RBFOX1: variants seen among roughly 807,000 people sequenced by gnomAD.
The protein encoded by RBFOX1 is RNA binding fox-1 homolog 1, also known as RNA binding protein fox-1 homolog 1.
In RBFOX1, 8 loss-of-function variants were observed where a neutral mutation model predicts 57.7. The ratio of observed to expected loss-of-function variants is 0.14; its 90% CI spans 0.08 to 0.25. The LOEUF is 0.25. Among genes scored for constraint, RBFOX1 ranks in the 10% least tolerant of loss-of-function variants. The probability of loss-of-function intolerance (pLI) is 1.00; values close to 1 mark genes in which losing one functional copy is unlikely to be tolerated. For synonymous variants in RBFOX1, 326 were observed against 222.4 expected (o/e 1.47, Z -4.15); for missense variants, 611 against 548.5 (o/e 1.11, Z -1.14).
chr16:6,762,592 A>G (rs878933634), intron 3 of RBFOX1, among the ~76,000 whole-genome samples: 2 of 152,210 alleles, frequency 1.3e-5, no homozygotes, highest in African/African-American at 2.4e-5. Context: ...CTCCTCAAGA[A>G]TCTTAGATAT....
intron 1 of RBFOX1, among the ~76,000 whole-genome samples, chr16:6,133,885 C>T (rs926446717): frequency 6.6e-6 from 1 of 152,076 alleles, no homozygotes; most frequent in East Asian, 1.9e-4. Context: ...ACTGTTTAGA[C>T]CCCAGCTCAA....
chr16:5,649,953 G>A (rs180786037), intron 3 of RBFOX1, among the ~76,000 whole-genome samples: 23 of 152,292 alleles, frequency 1.5e-4, no homozygotes, highest in African/African-American at 5.1e-4. Flanking sequence ...TCGCCTCCCG[G>A]TGGAACACGC....
intron 2 of RBFOX1, among the ~76,000 whole-genome samples, chr16:5,477,027 T>C (rs1227524966): frequency 6.6e-6 from 1 of 152,342 alleles, no homozygotes; most frequent in East Asian, 1.9e-4. Flanking sequence ...ATTTATTTAT[T>C]TTTTTGAGAC....
At position 6,916,825 on chromosome 16, in the gene RBFOX1, A is replaced by T. The variant is rs181542643; in HGVS notation, c.-15-135232A>T. ...CTTCGAAGTTTGAATTTGTACCTTG[A>T]TCTTGTTTTTTTATTTGTTTGTTTT... is the stretch of plus-strand genomic sequence containing the variant. On this transcript the variant is annotated intron_variant, in intron 3 of 15. Transcript: ENST00000550418. Among the ~76,000 whole-genome samples the T allele has an allele frequency of 9.9e-5, 15 of 151,986 alleles. No individual in the cohort carries two copies. The East Asian group carries it at 2.9e-3, about 30-fold the overall frequency.
chr16:5,707,063 C>A (rs2051278425), intron 3 of RBFOX1, among the ~76,000 whole-genome samples: 1 of 152,144 alleles, frequency 6.6e-6, no homozygotes, highest in Admixed American at 6.5e-5. Context: ...CCAGGGGTGT[C>A]CAGACACAAA....
intron 3 of RBFOX1, among the ~76,000 whole-genome samples, chr16:6,878,655 G>T (rs61245782): frequency 6.6e-6 from 1 of 152,098 alleles, no homozygotes. Context: ...TCGTGTTAGC[G>T]TCAGTTTAAT....
intron 1 of RBFOX1, among the ~76,000 whole-genome samples, chr16:6,139,002 G>A (rs1038460173): frequency 1.3e-5 from 2 of 152,212 alleles, no homozygotes; most frequent in African/African-American, 4.8e-5. Flanking sequence ...GGCAGAGATT[G>A]TGGGGCACCA....
intron 1 of RBFOX1, among the ~76,000 whole-genome samples, chr16:5,462,739 G>C (rs1481354086): frequency 6.6e-6 from 1 of 152,174 alleles, no homozygotes; most frequent in Non-Finnish European, 1.5e-5. Context: ...TAAGGGCTCT[G>C]GACTGTGGTC....
At chr16:6,250,364 C>A (rs183632951) in intron 1 of RBFOX1, among the ~76,000 whole-genome samples, 1 of 152,280 alleles carries the variant, frequency 6.6e-6, no homozygotes, top group East Asian at 1.9e-4. Context: ...CGAACTACCT[C>A]ATGACTAGGA....
Position 7,024,558 on chromosome 16 carries a change from G to A in RBFOX1, c.-15-27499G>A, listed in dbSNP as rs149473594. Among the ~76,000 whole-genome samples the A allele has an allele frequency of 7.2e-4, 109 of 152,242 alleles. 2 individuals are homozygous for A. The highest frequency in any genetic ancestry group is 2.5e-3 in the African/African-American group (103 of 41,548). The stretch of plus-strand genomic sequence containing the variant: ...ATGTTAGGAGATACTTCCTCATTGT[G>A]TAAACACTGGGGCAGGTAAGGGATA... On this transcript the variant is annotated intron_variant, in intron 3 of 15. Transcript: ENST00000550418.
intron 3 of RBFOX1, among the ~76,000 whole-genome samples, chr16:6,732,612 C>G (rs139578722): frequency 6.6e-6 from 1 of 152,314 alleles, no homozygotes; most frequent in East Asian, 1.9e-4. Flanking sequence ...AAGGCAGGGA[C>G]CCTCTGTGTT....
intron 4 of RBFOX1, among the ~76,000 whole-genome samples, chr16:7,385,235 G>A (rs1005137457): frequency 2.6e-5 from 4 of 152,216 alleles, no homozygotes; most frequent in African/African-American, 4.8e-5. Context: ...TGCTTGCCAC[G>A]TGAAACATAG....
At chr16:6,151,354 C>T (rs375501505) in intron 1 of RBFOX1, among the ~76,000 whole-genome samples, 264 of 152,224 alleles carry the variant, frequency 1.7e-3, no homozygotes, top group African/African-American at 6.0e-3. Context: ...GGCACGATCT[C>T]GGCTCACTGC....
intron 1 of RBFOX1, among the ~76,000 whole-genome samples, chr16:5,318,064 C>T (rs1232591321): frequency 6.6e-6 from 1 of 152,112 alleles, no homozygotes; most frequent in African/African-American, 2.4e-5. Flanking sequence ...GAGTGGATGT[C>T]TGTAGGTTTG....
intron 4 of RBFOX1, among the ~76,000 whole-genome samples, chr16:7,345,807 C>A (rs113039817): frequency 6.6e-6 from 1 of 152,090 alleles, no homozygotes; most frequent in Admixed American, 6.6e-5. Context: ...TTTTCTTTTT[C>A]TTTTTTTAAT....
chr16:7,151,038 G>C lies in RBFOX1; in HGVS notation c.27+98940G>C, dbSNP rs556662483. Among the ~76,000 whole-genome samples the C allele has an allele frequency of 8.3e-4, 126 of 152,252 alleles. 1 individual carries two copies. Among genetic ancestry groups the C allele is most frequent in the Admixed American group, 9.2e-4 (14 of 15,272 alleles). Reference sequence around the variant, plus strand: ...GCTCCTTTCCAAAATTATTTTTGTGGTAGCACAGAAGTTCTCTCCCTCAAA... The same window carrying C: ...GCTCCTTTCCAAAATTATTTTTGTGCTAGCACAGAAGTTCTCTCCCTCAAA... On this transcript the variant is annotated intron_variant, in intron 4 of 15. Coordinates refer to ENST00000550418, the MANE Select transcript of RBFOX1 (RefSeq NM_018723.4).
At chr16:7,292,793 A>G (rs1048132061) in intron 4 of RBFOX1, among the ~76,000 whole-genome samples, 5 of 152,092 alleles carry the variant, frequency 3.3e-5, no homozygotes, top group African/African-American at 7.2e-5. Flanking sequence ...AGGAAATGCT[A>G]TGTTTTCATC....
chr16:6,355,238 A>C (rs1026507494), intron 2 of RBFOX1, among the ~76,000 whole-genome samples: 1 of 151,992 alleles, frequency 6.6e-6, no homozygotes, highest in South Asian at 2.1e-4. Flanking sequence ...GCACTCATCA[A>C]CCCATCACCT....
At chr16:6,009,455 A>C (rs184088692) in intron 4 of RBFOX1, among the ~76,000 whole-genome samples, 2 of 152,316 alleles carry the variant, frequency 1.3e-5, no homozygotes, top group Admixed American at 1.3e-4. Flanking sequence ...ACTGTTTCTT[A>C]GTCCTAGTTA....
Sources: allele counts gnomAD v4.1 joint callset (sites outside exome capture counted in the v4.1 genomes callset), GRCh38; gene constraint gnomAD v4.1.1; transcripts MANE v1.5; gene names NCBI Gene and HGNC (gene_info 2026-07-23, HGNC 2026-07-21).